Variants in ABCA1 observed in about 807,000 individuals in gnomAD.
ABCA1 encodes the protein phospholipid-transporting ATPase ABCA1.
Under a neutral mutation model 262.5 loss-of-function variants are expected in ABCA1, and 133 were observed. The observed-to-expected ratio is 0.51, with a 90% CI of 0.44 to 0.59. The LOEUF is 0.59. ABCA1 is among the 20% of genes least tolerant of loss of function. ABCA1 has a pLI of 0.00. For synonymous variants in ABCA1, 1,022 were observed against 1,043.5 expected (o/e 0.98, Z 0.40); for missense variants, 2,452 against 2,777.5 (o/e 0.88, Z 2.63).
At chr9:104,815,017 T>A (rs1831616594) in intron 25 of ABCA1, among the ~76,000 whole-genome samples, 2 of 151,810 alleles carry the variant, frequency 1.3e-5, no homozygotes, top group Non-Finnish European at 2.9e-5. Flanking sequence ...AAAAAAAATT[T>A]AAAAAAAGCT....
At chr9:104,884,232 C>T (rs1232693988) in intron 4 of ABCA1, among the ~76,000 whole-genome samples, 195 bp downstream of exon 4, 1 of 152,154 alleles carries the variant, frequency 6.6e-6, no homozygotes, top group African/African-American at 2.4e-5. Context: ...ATGATAAATA[C>T]TCGAGGTGAT....
At chr9:104,815,172 G>A (rs953674424) in intron 25 of ABCA1, among the ~76,000 whole-genome samples, 18 of 152,148 alleles carry the variant, frequency 1.2e-4, no homozygotes, top group East Asian at 7.7e-4. Context: ...AGGAAATAGA[G>A]CACTAGAAAT....
intron 5 of ABCA1, among the ~76,000 whole-genome samples, chr9:104,862,669 C>CAGGGCAGGGCAGGGCAGGGCAGGGCA (rs1836651225): frequency 1.0e-4 from 1 of 9,812 alleles, no homozygotes; most frequent in African/African-American, 3.9e-4. Flanking sequence ...CGGGCCGGGC[C>CAGGGCAGGGCAGGGCAGGGCAGGGCA]GGGCCGGGCC....
intron 29 of ABCA1, among the ~76,000 whole-genome samples, chr9:104,809,949 G>A (rs1001650225): frequency 6.6e-6 from 1 of 151,832 alleles, no homozygotes; most frequent in Admixed American, 6.6e-5. Flanking sequence ...CCAAGAAAGG[G>A]CAAGAAAACT....
At chr9:104,849,482 T>A (rs1259193412) in intron 7 of ABCA1, among the ~76,000 whole-genome samples, 1 of 152,234 alleles carries the variant, frequency 6.6e-6, no homozygotes, top group African/African-American at 2.4e-5. Context: ...GTTAGAATCA[T>A]TTTTAAACTA....
rs555847269 is a variant in ABCA1, at chr9:104,830,263, A to G, written c.1892+662T>C. ...AGGGAGAAGAAGTGCACACATTTAC[A>G]TAAACTGTGCTTTTATAAGTTTAGA... On this transcript the variant is annotated intron_variant, in intron 14 of 49. Coordinates refer to ENST00000374736, the MANE Select transcript of ABCA1 (RefSeq NM_005502.4). 7.2e-5 allele frequency among the ~76,000 whole-genome samples: 11 copies of G among 152,374 alleles called. No homozygotes were observed. The South Asian group carries it at 2.1e-3, about 29-fold the overall frequency.
intron 17 of ABCA1, among the ~76,000 whole-genome samples, chr9:104,825,087 G>T (rs529206435): frequency 1.4e-4 from 21 of 152,278 alleles, no homozygotes; most frequent in African/African-American, 4.8e-4. Flanking sequence ...ATTATATTAA[G>T]AAAGAAGTAC....
chr9:104,869,248 A>AT (rs1837373110), intron 5 of ABCA1, among the ~76,000 whole-genome samples: 1 of 150,980 alleles, frequency 6.6e-6, no homozygotes. Flanking sequence ...ATGAAAAAAA[A>AT]GGAGAAGTAG....
chr9:104,923,913 G>A lies in ABCA1; in HGVS notation c.-93+4022C>T, dbSNP rs145298113. 2.9e-3 allele frequency among the ~76,000 whole-genome samples: 440 copies of A among 152,248 alleles called. 4 individuals are homozygous for A. The highest frequency in any genetic ancestry group is 9.9e-3 in the African/African-American group (413 of 41,538). ...AAAATTTAGCCAGGAGCAGTGGTGCGTGCCTGTGGCCCCAGCTCCTTAAGA... is the reference window on the plus strand; with the variant it reads ...AAAATTTAGCCAGGAGCAGTGGTGCATGCCTGTGGCCCCAGCTCCTTAAGA... On this transcript the variant is annotated intron_variant, in intron 1 of 49. Coordinates refer to ENST00000374736, the MANE Select transcript of ABCA1 (RefSeq NM_005502.4).
intron 5 of ABCA1, among the ~76,000 whole-genome samples, chr9:104,869,365 G>T (rs1295764621): frequency 6.6e-6 from 1 of 152,150 alleles, no homozygotes; most frequent in African/African-American, 2.4e-5. Context: ...AACTGAGCAG[G>T]GCCTGGGAGC....
chr9:104,834,140 A>G (rs1168347063), intron 11 of ABCA1, among the ~76,000 whole-genome samples: 1 of 149,788 alleles, frequency 6.7e-6, no homozygotes, highest in Non-Finnish European at 1.5e-5. Flanking sequence ...CAGCATAATG[A>G]TTGTATAGAG....
chr9:104,787,006 G>T (rs1336169518), intron 46 of ABCA1, 30 bp from the exon 47 acceptor site: 13 of 1,566,854 alleles, frequency 8.3e-6, no homozygotes, highest in Non-Finnish European at 1.1e-5. Flanking sequence ...AGTCTTATTT[G>T]CTGGGGGGAA....
intron 11 of ABCA1, among the ~76,000 whole-genome samples, chr9:104,833,132 C>T (rs2119010984): frequency 6.6e-6 from 1 of 152,272 alleles, no homozygotes; most frequent in Non-Finnish European, 1.5e-5. Flanking sequence ...AGTGTATATG[C>T]TTCACCTTAC....
At chr9:104,899,014 AG>A (rs1448509179) in intron 2 of ABCA1, among the ~76,000 whole-genome samples, 1 of 152,220 alleles carries the variant, frequency 6.6e-6, no homozygotes, top group African/African-American at 2.4e-5. Context: ...GCTCTACGAA[AG>A]CAGTACTCAT....
At chr9:104,830,570 G>A (rs919810268) in intron 14 of ABCA1, among the ~76,000 whole-genome samples, 2 of 151,918 alleles carry the variant, frequency 1.3e-5, no homozygotes, top group Admixed American at 6.6e-5. Context: ...TGAGCCTGTA[G>A]TCCCAGCTAC....
intron 1 of ABCA1, among the ~76,000 whole-genome samples, chr9:104,914,725 A>C (rs1399862642): frequency 6.6e-6 from 1 of 152,186 alleles, no homozygotes; most frequent in Non-Finnish European, 1.5e-5. Flanking sequence ...CCTCAGCGAT[A>C]AGAAAAGATA....
chr9:104,798,458 G>A lies in ABCA1; in HGVS notation c.5084C>T (p.Pro1695Leu), dbSNP rs754224474. Reference sequence around the variant, plus strand: ...AAAATTAGAGAGCCAGTAGATGACAGGCTTCACTCCACTGATGAACTGCAG... The same window carrying A: ...AAAATTAGAGAGCCAGTAGATGACAAGCTTCACTCCACTGATGAACTGCAG... ...KHLQFISGVK[P>L]VIYWLSNFVW... Residue 1695 changes from proline (P) to leucine (L), a missense_variant, in exon 37 of 50, where the codon CCT becomes CTT. Transcript: ENST00000374736. The A allele has an allele frequency of 6.2e-7, 1 of 1,614,168 alleles. No individual in the cohort carries two copies. The highest frequency in any genetic ancestry group is 8.5e-7 in the Non-Finnish European group (1 of 1,180,022).
chr9:104,858,371 A>T, intron 7 of ABCA1, 151 bp downstream of exon 7: 3 of 872,618 alleles, frequency 3.4e-6, no homozygotes, highest in Non-Finnish European at 5.7e-6. Context: ...AAGAACACTA[A>T]GAACACTTAG....
chr9:104,888,788 G>T (rs1295847849), intron 3 of ABCA1, among the ~76,000 whole-genome samples: 1 of 152,154 alleles, frequency 6.6e-6, no homozygotes, highest in Admixed American at 6.6e-5. Context: ...TAGGTGTTAA[G>T]GCATTATCTT....
Sources: allele counts gnomAD v4.1 joint callset (sites outside exome capture counted in the v4.1 genomes callset), GRCh38; gene constraint gnomAD v4.1.1; transcripts MANE v1.5; gene names NCBI Gene and HGNC (gene_info 2026-07-23, HGNC 2026-07-21).